LINGO2: variants seen among roughly 807,000 people sequenced by gnomAD.
LINGO2 encodes leucine rich repeat and Ig domain containing 2.
Under a neutral mutation model 30.6 loss-of-function variants are expected in LINGO2, and 14 were observed. The ratio of observed to expected loss-of-function variants is 0.46; its 90% CI spans 0.30 to 0.72. LINGO2 has a LOEUF of 0.72. Among genes scored for constraint, LINGO2 ranks in the 30% least tolerant of loss-of-function variants. The pLI, the probability that LINGO2 is intolerant of heterozygous loss-of-function variation, is 0.07. For missense variants in LINGO2, 729 were observed against 751.7 expected (o/e 0.97, Z 0.35); for synonymous variants, 317 against 288.5 (o/e 1.10, Z -1.00).
the LINGO2 span, among the ~76,000 whole-genome samples, chr9:28,985,716 A>C: frequency 0.12 from 18,274 of 151,808 alleles, 1,073 homozygotes; most frequent in South Asian, 0.16. Flanking sequence ...TTGTTGTGTT[A>C]TTTTCTCGCT....
At chr9:29,081,588 C>T in the LINGO2 span, among the ~76,000 whole-genome samples, 1 of 152,036 alleles carries the variant, frequency 6.6e-6, no homozygotes, top group Non-Finnish European at 1.5e-5. Flanking sequence ...CTAGGGGAAT[C>T]AGGCAGGAGA....
intron 3 of LINGO2, among the ~76,000 whole-genome samples, chr9:28,323,798 T>A (rs1327547824): frequency 1.3e-5 from 2 of 151,974 alleles, no homozygotes; most frequent in African/African-American, 4.8e-5. Context: ...TCACCATATA[T>A]CAGAATAAGA....
At chr9:29,020,132 G>A in the LINGO2 span, among the ~76,000 whole-genome samples, 39 of 152,212 alleles carry the variant, frequency 2.6e-4, no homozygotes, top group African/African-American at 8.9e-4. Flanking sequence ...GAATGTTTAA[G>A]GTAAAACACT....
intron 4 of LINGO2, among the ~76,000 whole-genome samples, chr9:28,061,600 C>A (rs1331831745): frequency 6.6e-6 from 1 of 151,838 alleles, no homozygotes; most frequent in Non-Finnish European, 1.5e-5. Context: ...AAAATATGAC[C>A]ATGATGCCCA....
Position 28,489,433 on chromosome 9 carries a change from G to T in LINGO2, c.-364-13408C>A, listed in dbSNP as rs78865916. On this transcript the variant is annotated intron_variant, in intron 1 of 5. Coordinates refer to ENST00000379992, the Ensembl canonical transcript of LINGO2. ...GATCCACCTGCCTCAGCCTCTCGAAGCATTGGGATTACAGGCATAAGTCAC... is the reference window on the plus strand; with the variant it reads ...GATCCACCTGCCTCAGCCTCTCGAATCATTGGGATTACAGGCATAAGTCAC... 6.0e-3 allele frequency among the ~76,000 whole-genome samples: 915 copies of T among 152,230 alleles called. 50 individuals are homozygous for T. In the East Asian group the frequency reaches 0.12, roughly 20 times the overall value.
chr9:28,296,094 C>A (rs560706623), intron 3 of LINGO2, among the ~76,000 whole-genome samples: 15 of 152,220 alleles, frequency 9.9e-5, no homozygotes, highest in African/African-American at 3.6e-4. Context: ...GGGCAATGTA[C>A]CACGTATTTA....
At chr9:28,654,462 T>C (rs1005903945) in intron 1 of LINGO2, among the ~76,000 whole-genome samples, 9 of 136,636 alleles carry the variant, frequency 6.6e-5, no homozygotes, top group Admixed American at 3.9e-4. Flanking sequence ...TTATAGTATA[T>C]GATAGAACAT....
At chr9:28,896,356 C>A in the LINGO2 span, among the ~76,000 whole-genome samples, 2 of 151,996 alleles carry the variant, frequency 1.3e-5, no homozygotes, top group African/African-American at 4.8e-5. Context: ...TATTTTAGTT[C>A]ATGTTTTCCT....
the LINGO2 span, among the ~76,000 whole-genome samples, chr9:29,160,809 A>T: frequency 6.6e-6 from 1 of 152,322 alleles, no homozygotes; most frequent in South Asian, 2.1e-4. Context: ...TTTGGTCAAG[A>T]TTATGCCGAG....
chr9:29,145,098 T>C, the LINGO2 span, among the ~76,000 whole-genome samples: 1 of 152,170 alleles, frequency 6.6e-6, no homozygotes, highest in Admixed American at 6.5e-5. Flanking sequence ...ATTTTACAGG[T>C]ATTTCTAGAT....
intron 4 of LINGO2, among the ~76,000 whole-genome samples, chr9:28,016,880 C>A (rs1482166526): frequency 6.6e-6 from 1 of 151,892 alleles, no homozygotes; most frequent in Non-Finnish European, 1.5e-5. Flanking sequence ...GCAGAGACAA[C>A]AACAACAAAA....
chr9:28,019,116 G>T (rs1376820800), intron 4 of LINGO2, among the ~76,000 whole-genome samples: 1 of 152,002 alleles, frequency 6.6e-6, no homozygotes, highest in Non-Finnish European at 1.5e-5. Flanking sequence ...AGACACTGAG[G>T]CCTACTTGAC....
At chr9:28,845,674 T>C in the LINGO2 span, among the ~76,000 whole-genome samples, 21 of 151,894 alleles carry the variant, frequency 1.4e-4, 1 homozygote, top group South Asian at 8.3e-4. Flanking sequence ...ATAGTTTATA[T>C]ATATACAAGA....
the LINGO2 span, among the ~76,000 whole-genome samples, chr9:28,956,237 A>G: frequency 0.91 from 139,037 of 152,014 alleles, 63,724 homozygotes; most frequent in Non-Finnish European, 0.94. Context: ...AGTGTCTCTA[A>G]GGACAGGAAA....
At chr9:28,360,301 A>G (rs1820389973) in intron 3 of LINGO2, among the ~76,000 whole-genome samples, 1 of 152,194 alleles carries the variant, frequency 6.6e-6, no homozygotes, top group African/African-American at 2.4e-5. Context: ...CTTTTATCAT[A>G]GTCCTAAACT....
At chr9:28,013,182 C>A (rs1822646578) in intron 4 of LINGO2, among the ~76,000 whole-genome samples, 1 of 152,154 alleles carries the variant, frequency 6.6e-6, no homozygotes, top group Admixed American at 6.5e-5. Flanking sequence ...TGATAAAAGA[C>A]ATTTTGGCAC....
At chr9:28,383,949 T>C (rs947060270) in intron 2 of LINGO2, among the ~76,000 whole-genome samples, 3 of 152,032 alleles carry the variant, frequency 2.0e-5, no homozygotes, top group Non-Finnish European at 2.9e-5. Flanking sequence ...CTTATGCTAA[T>C]ACAGAAAATA....
chr9:29,065,064 C>T, the LINGO2 span, among the ~76,000 whole-genome samples: 1 of 152,104 alleles, frequency 6.6e-6, no homozygotes, highest in African/African-American at 2.4e-5. Context: ...GCTCCCAGCA[C>T]ATCCAGGACA....
chr9:28,993,377 G>C, the LINGO2 span, among the ~76,000 whole-genome samples: 1 of 152,112 alleles, frequency 6.6e-6, no homozygotes, highest in Non-Finnish European at 1.5e-5. Flanking sequence ...ATAATCAATA[G>C]CTTACCATCC....
Sources: allele counts gnomAD v4.1 joint callset (sites outside exome capture counted in the v4.1 genomes callset), GRCh38; gene constraint gnomAD v4.1.1; transcripts MANE v1.5; gene names NCBI Gene and HGNC (gene_info 2026-07-23, HGNC 2026-07-21).